SRPRA: variants seen among roughly 807,000 people sequenced by gnomAD.
The protein encoded by SRPRA is SRP receptor subunit alpha.
In SRPRA, 30 loss-of-function variants were observed where a neutral mutation model predicts 61.1. That is an observed-to-expected ratio of 0.49 (90% confidence interval 0.37 to 0.67). SRPRA has a LOEUF of 0.67. SRPRA is among the 30% of genes least tolerant of loss of function. The pLI is 0.00. For synonymous variants in SRPRA, 324 were observed against 299.7 expected, an observed-to-expected ratio of 1.08 and a Z score of -0.84; for missense variants, 759 against 828.4, an observed-to-expected ratio of 0.92 and a Z score of 1.03.
chr11:126,247,902 C>A, the SRPRA span, among the ~76,000 whole-genome samples: 1 of 143,854 alleles, frequency 7.0e-6, no homozygotes, highest in Non-Finnish European at 1.5e-5. Context: ...TATAGATATA[C>A]GTATATCTAT....
At chr11:126,257,030 C>T in the SRPRA span, among the ~76,000 whole-genome samples, 1 of 152,116 alleles carries the variant, frequency 6.6e-6, no homozygotes, top group East Asian at 1.9e-4. Flanking sequence ...TATGGGAAGA[C>T]AGACAAAAAG....
the SRPRA span, among the ~76,000 whole-genome samples, chr11:126,254,889 C>T: frequency 3.3e-5 from 5 of 152,308 alleles, no homozygotes; most frequent in South Asian, 1.0e-3. Context: ...TATGGGTGTG[C>T]ATGCTGTCTA....
At chr11:126,262,065 T>A, downstream of SRPRA, 13 of 1,594,604 alleles carry the variant, frequency 8.2e-6, no homozygotes, top group Non-Finnish European at 1.1e-5. Context: ...CAGCTTCCAA[T>A]GTATAAACCT....
the SRPRA span, among the ~76,000 whole-genome samples, chr11:126,242,019 C>T: frequency 0.029 from 2,693 of 92,420 alleles, 84 homozygotes; most frequent in African/African-American, 0.11. Flanking sequence ...AGGAAGACTC[C>T]GTCTCAAAAA....
In SRPRA at chr11:126,263,455, G is replaced by C. The variant is rs1337430561; in HGVS notation, c.*461C>G. 5 of 157,522 alleles carry C rather than the reference G, an allele frequency of 3.2e-5. No homozygotes were observed. Among genetic ancestry groups the C allele is most frequent in the African/African-American group, 4.8e-5 (2 of 41,488 alleles). 9.8% of individuals were successfully genotyped at this position (157,522 alleles called of 1,614,324 possible). On this transcript the variant is annotated 3_prime_UTR_variant, in exon 14 of 14. Transcript: ENST00000332118. ...GCCACAGTGAGGCGGGTGTCATCCA[G>C]GTCCTGGGGACCTGCAGGCTGTGTA... is the stretch of plus-strand genomic sequence containing the variant.
the SRPRA span, among the ~76,000 whole-genome samples, chr11:126,236,733 GTC>G: frequency 8.1e-5 from 12 of 147,614 alleles, no homozygotes; most frequent in Non-Finnish European, 1.5e-4. Flanking sequence ...CTTGTATTAA[GTC>G]TCTAATTTTT....
chr11:126,240,079 G>A, the SRPRA span, among the ~76,000 whole-genome samples: 2 of 149,624 alleles, frequency 1.3e-5, no homozygotes, highest in Admixed American at 6.6e-5. Flanking sequence ...CAGAATGAAA[G>A]AGAGGGGAAC....
chr11:126,241,127 T>A, the SRPRA span: 1 of 1,380,668 alleles, frequency 7.2e-7, no homozygotes, highest in Non-Finnish European at 9.9e-7. Flanking sequence ...CTGTCAAAAC[T>A]AGCATGCCAA....
At chr11:126,257,754 A>G in the SRPRA span, among the ~76,000 whole-genome samples, 1 of 152,146 alleles carries the variant, frequency 6.6e-6, no homozygotes, top group Non-Finnish European at 1.5e-5. Context: ...ACAAACAGAA[A>G]ACTTACTTTT....
chr11:126,256,260 C>T, the SRPRA span, among the ~76,000 whole-genome samples: 9 of 152,202 alleles, frequency 5.9e-5, no homozygotes, highest in Admixed American at 3.3e-4. The surrounding 1 kb of genome is among the most constrained non-coding windows in gnomAD (Gnocchi z 6.6). Flanking sequence ...AGTGAGACTC[C>T]GTCTCAAAAA....
At chr11:126,259,153 A>T (rs570696549), downstream of SRPRA, among the ~76,000 whole-genome samples, 6 of 152,334 alleles carry the variant, frequency 3.9e-5, no homozygotes, top group East Asian at 1.2e-3. Context: ...GAAACGAGTC[A>T]ACCTTATCTT....
chr11:126,267,478 C>T lies in SRPRA; in HGVS notation c.365+71G>A, dbSNP rs1565347586. 1 of 1,601,034 alleles carries T rather than the reference C, an allele frequency of 6.2e-7. No individual in the cohort carries two copies. Among genetic ancestry groups the T allele is most frequent in the African/African-American group, 1.3e-5 (1 of 74,514 alleles). On this transcript the variant is annotated intron_variant, in intron 3 of 13. Transcript: ENST00000332118. This position sits in a 1 kb window ranked among gnomAD's most constrained non-coding sequence, Gnocchi z 4.2. ...GTCTTTGAACACATCAATTTACCAC[C>T]TTTGAACCACCTTCAGAGAGGTCAT... is the stretch of plus-strand genomic sequence containing the variant.
Position 126,265,846 on chromosome 11 carries a change from G to A in SRPRA, c.1052-23C>T. Reference sequence around the variant, plus strand: ...TAGCTGAGGAGAGGGGGACAGGTATGTCAGTTCCATGTCAGCAATGACCAA... The same window carrying A: ...TAGCTGAGGAGAGGGGGACAGGTATATCAGTTCCATGTCAGCAATGACCAA... On this transcript the variant is annotated intron_variant, in intron 8 of 13. Coordinates refer to ENST00000332118, the MANE Select transcript of SRPRA (RefSeq NM_003139.4). The surrounding 1 kb of genome is among the most constrained non-coding windows in gnomAD (Gnocchi z 6.3). 2 of 1,613,976 alleles carry A rather than the reference G, an allele frequency of 1.2e-6. No homozygotes were observed. Among genetic ancestry groups the A allele is most frequent in the South Asian group, 1.1e-5 (1 of 91,082 alleles).
In SRPRA at chr11:126,263,652, G is replaced by A; in HGVS notation, c.*264C>T. ...AAGCTGTAATAAGACTGAGTCTGTA[G>A]GCAGAGTGAAGGGGGTGCCTGAGTA... On this transcript the variant is annotated 3_prime_UTR_variant, in exon 14 of 14. Transcript: ENST00000332118. The A allele has an allele frequency of 8.7e-6, 4 of 458,976 alleles. No homozygotes were observed. The highest frequency in any genetic ancestry group is 7.9e-6 in the Non-Finnish European group (2 of 252,600). The allele number at this position is 458,976 out of a possible 1,614,324, so 28.4% of individuals were successfully genotyped here.
At position 126,265,957 on chromosome 11, in the gene SRPRA, A is replaced by G; in HGVS notation, c.1051+6T>C. 2 of 1,614,022 alleles carry G rather than the reference A, an allele frequency of 1.2e-6. No homozygotes were observed. Among genetic ancestry groups the G allele is most frequent in the Non-Finnish European group, 1.7e-6 (2 of 1,179,936 alleles). On this transcript the variant is annotated splice_donor_region_variant and intron_variant, in intron 8 of 13. Coordinates refer to ENST00000332118, the MANE Select transcript of SRPRA (RefSeq NM_003139.4). The surrounding 1 kb of genome is among the most constrained non-coding windows in gnomAD (Gnocchi z 6.3). ...AGTATGAGTCAGCCCGGTCCTCAGA[A>G]CTTACCAATGAGATGATCACGCATC... is the stretch of plus-strand genomic sequence containing the variant.
At chr11:126,237,410 A>AT in the SRPRA span, among the ~76,000 whole-genome samples, 15,546 of 144,798 alleles carry the variant, frequency 0.11, 1,097 homozygotes, top group Non-Finnish European at 0.15. Flanking sequence ...TTATTTATTT[A>AT]TTTTTTAAAT....
the SRPRA span, chr11:126,254,585 C>A: frequency 2.8e-6 from 3 of 1,066,004 alleles, no homozygotes; most frequent in Non-Finnish European, 4.0e-6. Flanking sequence ...ATAATCCCAA[C>A]ACTTTGGGAG....
the SRPRA span, among the ~76,000 whole-genome samples, chr11:126,251,311 A>T: frequency 6.6e-6 from 1 of 152,132 alleles, no homozygotes; most frequent in Admixed American, 6.5e-5. Context: ...GATTTTTGTA[A>T]TGTTTTTTCC....
At chr11:126,240,580 T>C in the SRPRA span, among the ~76,000 whole-genome samples, 3 of 152,336 alleles carry the variant, frequency 2.0e-5, no homozygotes, top group Admixed American at 2.0e-4. Flanking sequence ...TTGGGATTCC[T>C]GAAATAGGTT....
Sources: allele counts gnomAD v4.1 joint callset (sites outside exome capture counted in the v4.1 genomes callset), GRCh38; gene constraint gnomAD v4.1.1; non-coding constraint Gnocchi (gnomAD v3.1); transcripts MANE v1.5; gene names NCBI Gene and HGNC (gene_info 2026-07-23, HGNC 2026-07-21).